DST: variants seen among roughly 807,000 people sequenced by gnomAD.
DST encodes the protein bullous pemphigoid antigen.
A neutral mutation model predicts 875.2 loss-of-function variants in DST; 253 were observed. The observed-to-expected ratio is 0.29, with a 90% CI of 0.26 to 0.32. The LOEUF (loss-of-function observed/expected upper bound fraction) is 0.32, where lower values mean the gene tolerates loss of function less well. DST is among the 10% of genes least tolerant of loss of function. DST has a pLI of 1.00. For synonymous variants in DST, 3,124 were observed against 3,197.1 expected (o/e 0.98, Z 0.77); for missense variants, 8,287 against 9,111.6 (o/e 0.91, Z 3.68).
intron 36 of DST, chr6:56,619,827 C>A: frequency 6.2e-7 from 1 of 1,614,088 alleles, no homozygotes; most frequent in South Asian, 1.1e-5. Flanking sequence ...AGCAAACGAG[C>A]CTTTTCCTCA....
intron 4 of DST, among the ~76,000 whole-genome samples, chr6:56,832,889 A>G (rs1258774292): frequency 2.0e-5 from 3 of 152,094 alleles, no homozygotes; most frequent in Admixed American, 1.3e-4. Context: ...ACAGGTGTCC[A>G]CCACCACATC....
intron 49 of DST, 69 bp downstream of exon 49, chr6:56,592,113 A>G: frequency 7.0e-7 from 1 of 1,431,458 alleles, no homozygotes; most frequent in Non-Finnish European, 9.6e-7. Context: ...AAACTATCAC[A>G]AAAGTGTGAG....
At chr6:56,927,501 C>G (rs1807797731) in intron 2 of DST, among the ~76,000 whole-genome samples, 1 of 151,950 alleles carries the variant, frequency 6.6e-6, no homozygotes, top group Admixed American at 6.6e-5. Flanking sequence ...TACAAAAATC[C>G]TAATTACAAT....
chr6:56,468,717 T>C (rs1350981558), intron 98 of DST, among the ~76,000 whole-genome samples: 1 of 152,144 alleles, frequency 6.6e-6, no homozygotes, highest in African/African-American at 2.4e-5. Context: ...GAATTAAAAA[T>C]TGCATTCGTA....
At position 56,773,462 on chromosome 6, in the gene DST, T is replaced by C. The variant is rs568976816; in HGVS notation, c.626-38173A>G. On this transcript the variant is annotated intron_variant, in intron 4 of 103. Coordinates refer to ENST00000680361, the MANE Select transcript of DST (RefSeq NM_001374736.1). ...AAATACCACAAAAGTCTATACACTA[T>C]ATCTCTAAGTCAAGAATCCCAAATT... 7.2e-5 allele frequency among the ~76,000 whole-genome samples: 11 copies of C among 152,248 alleles called. No individual in the cohort carries two copies. In the South Asian group the frequency reaches 1.7e-3, roughly 23 times the overall value.
At chr6:56,639,809 A>C (rs757176915) in intron 19 of DST, 36 bp from the exon 20 acceptor site, 3 of 1,599,538 alleles carry the variant, frequency 1.9e-6, no homozygotes, top group Non-Finnish European at 2.6e-6. Context: ...TCCAGTCAGG[A>C]ATCTGAAGGA....
chr6:56,917,283 TAA>T (rs142652328), intron 2 of DST, among the ~76,000 whole-genome samples: 2,822 of 152,314 alleles, frequency 0.019, 93 homozygotes, highest in African/African-American at 0.064. Flanking sequence ...TTTCATGACC[TAA>T]AATCTTCTGA....
intron 86 of DST, among the ~76,000 whole-genome samples, chr6:56,488,488 C>T (rs2095636135): frequency 6.6e-6 from 1 of 152,114 alleles, no homozygotes; most frequent in Non-Finnish European, 1.5e-5. Context: ...GCAAAGGGTG[C>T]CAGCAGAGCA....
intron 34 of DST, among the ~76,000 whole-genome samples, chr6:56,625,886 C>G (rs561572853): frequency 7.0e-6 from 1 of 142,424 alleles, no homozygotes; most frequent in East Asian, 2.1e-4. Context: ...AGGTGTAAGA[C>G]AATGATATTG....
rs1291582559 is a variant in DST at position 56,585,337 on chromosome 6, C to T, written c.12904-6400G>A. On this transcript the variant is annotated intron_variant, in intron 49 of 103. Transcript: ENST00000680361. ...TTTAGTCTTGGGAGAGTGTATGTGT[C>T]GAGGAATTTATCCATTTCTTCTAGA... 1.1e-4 allele frequency among the ~76,000 whole-genome samples: 17 copies of T among 152,206 alleles called. No homozygotes were observed. The South Asian group carries it at 2.5e-3, about 22-fold the overall frequency.
At chr6:56,738,115 T>C (rs973913452) in intron 4 of DST, among the ~76,000 whole-genome samples, 1 of 152,142 alleles carries the variant, frequency 6.6e-6, no homozygotes, top group Admixed American at 6.5e-5. Context: ...AAGTACCTCA[T>C]TGAAACACCT....
At chr6:56,880,072 G>C (rs1781385687) in intron 3 of DST, among the ~76,000 whole-genome samples, 1 of 152,198 alleles carries the variant, frequency 6.6e-6, no homozygotes, top group African/African-American at 2.4e-5. Context: ...CTTTGGATAT[G>C]TAACATACAA....
chr6:56,846,163 A>G (rs1308197941), intron 4 of DST, among the ~76,000 whole-genome samples: 1 of 152,238 alleles, frequency 6.6e-6, no homozygotes, highest in Non-Finnish European at 1.5e-5. Flanking sequence ...GCTTAGAAGA[A>G]CATCTGGCCA....
At chr6:56,844,646 G>A (rs945611775) in intron 4 of DST, among the ~76,000 whole-genome samples, 2 of 152,054 alleles carry the variant, frequency 1.3e-5, no homozygotes, top group African/African-American at 4.8e-5. Context: ...AGGCCGAGGC[G>A]GGTGGATCAC....
At chr6:56,913,751 TAAG>T (rs1799711353) in intron 2 of DST, among the ~76,000 whole-genome samples, 2 of 152,232 alleles carry the variant, frequency 1.3e-5, no homozygotes, top group African/African-American at 4.8e-5. Context: ...CTATGAAATA[TAAG>T]GTCAGCCTAA....
rs1025461861 is a variant in DST, at chr6:56,624,566, A to C, written c.4893T>G (p.Phe1631Leu). 2 of 1,613,398 alleles carry C rather than the reference A, an allele frequency of 1.2e-6. No homozygotes were observed. Among genetic ancestry groups the C allele is most frequent in the African/African-American group, 1.3e-5 (1 of 74,904 alleles). Reference sequence around the variant, plus strand: ...CCAGCCTCTTCAATGAATCACCAGCAAATTTAATATATTGTGTCATGAGAG... The same window carrying C: ...CCAGCCTCTTCAATGAATCACCAGCCAATTTAATATATTGTGTCATGAGAG... ...LVTLMTQYIK[F>L]AGDSLKRLEE... Residue 1631 changes from phenylalanine (F) to leucine (L), a missense_variant, in exon 36 of 104, where the codon TTT becomes TTG. Around this residue, in one of 10 missense-constraint regions of DST, gnomAD observed 3,138 missense variants for 3,116.6 expected, o/e 1.01. Transcript: ENST00000680361.
chr6:56,774,347 A>C (rs1459173304), intron 4 of DST, among the ~76,000 whole-genome samples: 2 of 152,014 alleles, frequency 1.3e-5, no homozygotes, highest in Admixed American at 6.6e-5. Context: ...CCCACCCACA[A>C]TATTCCAGCC....
chr6:56,939,448 C>T (rs1048362259), intron 2 of DST, among the ~76,000 whole-genome samples: 1 of 152,072 alleles, frequency 6.6e-6, no homozygotes, highest in Non-Finnish European at 1.5e-5. Context: ...AGGCATGATA[C>T]AATATGCACA....
chr6:56,748,089 AT>A (rs1209296154), intron 4 of DST, among the ~76,000 whole-genome samples: 5 of 152,148 alleles, frequency 3.3e-5, no homozygotes, highest in Admixed American at 3.3e-4. Context: ...CCTTTATGCT[AT>A]TTTCTGTCCC....
Sources: allele counts gnomAD v4.1 joint callset (sites outside exome capture counted in the v4.1 genomes callset), GRCh38; gene constraint gnomAD v4.1.1; regional missense constraint gnomAD v4.1.1; transcripts MANE v1.5; gene names NCBI Gene and HGNC (gene_info 2026-07-23, HGNC 2026-07-21).